Variants in CPPED1 observed in about 807,000 individuals in gnomAD.
CPPED1 encodes calcineurin like phosphoesterase domain containing 1.
Under a neutral mutation model 28.0 loss-of-function variants are expected in CPPED1, and 28 were observed. The observed-to-expected ratio is 1.00, with a 90% confidence interval of 0.74 to 1.37. The LOEUF (loss-of-function observed/expected upper bound fraction) is 1.37, where lower values mean the gene tolerates loss of function less well. Among genes scored for constraint, CPPED1 ranks in the 40% most tolerant of loss-of-function variants. The pLI, the probability that CPPED1 is intolerant of heterozygous loss-of-function variation, is 0.00. For missense variants in CPPED1, 504 were observed against 416.5 expected (o/e 1.21, Z -1.83); for synonymous variants, 198 against 180.2 (o/e 1.10, Z -0.79).
intron 3 of CPPED1, among the ~76,000 whole-genome samples, chr16:12,694,777 C>G (rs955812592): frequency 6.8e-6 from 1 of 147,716 alleles, no homozygotes; most frequent in African/African-American, 2.5e-5. Context: ...TTTTAAAAAC[C>G]CCCCCCTTTT....
chr16:12,671,342 G>T (rs1010001516), intron 3 of CPPED1, among the ~76,000 whole-genome samples: 1 of 151,904 alleles, frequency 6.6e-6, no homozygotes, highest in Non-Finnish European at 1.5e-5. Flanking sequence ...ATTTTTACTA[G>T]TTCCACACTG....
chr16:12,749,318 A>G (rs963707058), intron 2 of CPPED1, among the ~76,000 whole-genome samples: 1 of 152,252 alleles, frequency 6.6e-6, no homozygotes, highest in Non-Finnish European at 1.5e-5. Flanking sequence ...CATCTTCACC[A>G]AGAGTAGATT....
intron 2 of CPPED1, among the ~76,000 whole-genome samples, chr16:12,705,848 T>C (rs984803683): frequency 5.9e-5 from 9 of 152,248 alleles, no homozygotes; most frequent in Non-Finnish European, 1.0e-4. Context: ...GTTCCTCATA[T>C]TTCTACTCAA....
chr16:12,789,078 T>C (rs571922408), intron 1 of CPPED1, among the ~76,000 whole-genome samples: 86 of 152,326 alleles, frequency 5.6e-4, no homozygotes, highest in African/African-American at 2.0e-3. Context: ...TTTTAATTCA[T>C]GAGTTTCATA....
chr16:12,750,113 A>C (rs545580278), intron 2 of CPPED1, among the ~76,000 whole-genome samples: 2 of 152,304 alleles, frequency 1.3e-5, no homozygotes, highest in African/African-American at 4.8e-5. Flanking sequence ...GGCTGGTTTG[A>C]TCTTCCATCC....
chr16:12,763,322 C>T (rs1205692406), intron 2 of CPPED1, among the ~76,000 whole-genome samples: 1 of 152,050 alleles, frequency 6.6e-6, no homozygotes, highest in Non-Finnish European at 1.5e-5. Flanking sequence ...AGGCCTGCCT[C>T]AGCCTCCCAA....
At chr16:12,789,792 G>A (rs569162579) in intron 1 of CPPED1, among the ~76,000 whole-genome samples, 2 of 152,270 alleles carry the variant, frequency 1.3e-5, no homozygotes, top group African/African-American at 4.8e-5. Context: ...CTCCCAAGGT[G>A]CTAGGATTAC....
chr16:12,764,403 A>G (rs1009718114), intron 2 of CPPED1, among the ~76,000 whole-genome samples: 11 of 152,084 alleles, frequency 7.2e-5, no homozygotes, highest in Admixed American at 6.6e-4. Flanking sequence ...GGGTTTCACC[A>G]TGCTGGCCAG....
intron 3 of CPPED1, among the ~76,000 whole-genome samples, chr16:12,692,440 A>C (rs901375832): frequency 2.0e-5 from 3 of 152,164 alleles, no homozygotes; most frequent in Non-Finnish European, 4.4e-5. Flanking sequence ...AACCATGATG[A>C]TAAGAATAGA....
intron 2 of CPPED1, among the ~76,000 whole-genome samples, chr16:12,737,119 G>A (rs188324127): frequency 1.3e-5 from 2 of 152,278 alleles, no homozygotes; most frequent in Admixed American, 1.3e-4. Flanking sequence ...GAACCCGGGA[G>A]GTGGAGGTTG....
At chr16:12,754,114 C>T (rs1439399425) in intron 2 of CPPED1, among the ~76,000 whole-genome samples, 1 of 152,130 alleles carries the variant, frequency 6.6e-6, no homozygotes, top group Non-Finnish European at 1.5e-5. Context: ...AAAACAGAGA[C>T]GCTTAGTCCC....
At chr16:12,703,563 T>A (rs531569975) in intron 3 of CPPED1, among the ~76,000 whole-genome samples, 4 of 151,608 alleles carry the variant, frequency 2.6e-5, no homozygotes. Flanking sequence ...GCGTTTGTAA[T>A]CCCAGCTACT....
rs2079812877 is a variant in CPPED1 at position 12,664,342 on chromosome 16, T to G, written c.*544A>C. Reference sequence around the variant, plus strand: ...TCAGAATTGAACAGTAAATGGTGCCTACTTGGCTCCTTGTCAAAATAAGTC... The same window carrying G: ...TCAGAATTGAACAGTAAATGGTGCCGACTTGGCTCCTTGTCAAAATAAGTC... On this transcript the variant is annotated 3_prime_UTR_variant, in exon 4 of 4. Transcript: ENST00000381774. The surrounding 1 kb of genome is among the most constrained non-coding windows in gnomAD (Gnocchi z 4.2). 1 of 987,628 alleles carries G rather than the reference T, an allele frequency of 1.0e-6. No homozygotes were observed. The highest frequency in any genetic ancestry group is 1.2e-6 in the Non-Finnish European group (1 of 831,132). The allele number at this position is 987,628 out of a possible 1,614,324, so 61.2% of individuals were successfully genotyped here.
intron 3 of CPPED1, among the ~76,000 whole-genome samples, chr16:12,678,902 C>T (rs2079891300): frequency 1.3e-5 from 2 of 152,174 alleles, no homozygotes; most frequent in Admixed American, 1.3e-4. Flanking sequence ...TAGTTAGGAT[C>T]TCCAATACAA....
chr16:12,688,357 G>C (rs1490551217), intron 3 of CPPED1, among the ~76,000 whole-genome samples: 1 of 145,868 alleles, frequency 6.9e-6, no homozygotes, highest in African/African-American at 2.6e-5. Flanking sequence ...TTTTGAGATG[G>C]AGTTTCGCTC....
At chr16:12,780,774 C>G (rs2080525701) in intron 2 of CPPED1, among the ~76,000 whole-genome samples, 1 of 149,854 alleles carries the variant, frequency 6.7e-6, no homozygotes, top group African/African-American at 2.5e-5. Context: ...AGTTGGATTT[C>G]TGTCACTTGC....
intron 3 of CPPED1, among the ~76,000 whole-genome samples, chr16:12,700,618 C>T (rs2080015419): frequency 6.6e-6 from 1 of 152,230 alleles, no homozygotes; most frequent in Non-Finnish European, 1.5e-5. Flanking sequence ...TCTTGAACTC[C>T]TGACTTCAGG....
intron 2 of CPPED1, among the ~76,000 whole-genome samples, chr16:12,751,968 A>G (rs187819681): frequency 2.6e-5 from 4 of 152,306 alleles, no homozygotes; most frequent in Admixed American, 2.6e-4. Flanking sequence ...TCTGAATAGG[A>G]AGTAAAAAGC....
At chr16:12,754,609 TTC>T (rs1353298642) in intron 2 of CPPED1, among the ~76,000 whole-genome samples, 1 of 152,132 alleles carries the variant, frequency 6.6e-6, no homozygotes, top group Non-Finnish European at 1.5e-5. Flanking sequence ...AAAATCCAAT[TTC>T]ACAGGACCTT....
Sources: allele counts gnomAD v4.1 joint callset (sites outside exome capture counted in the v4.1 genomes callset), GRCh38; gene constraint gnomAD v4.1.1; non-coding constraint Gnocchi (gnomAD v3.1); transcripts MANE v1.5; gene names NCBI Gene and HGNC (gene_info 2026-07-23, HGNC 2026-07-21).